The following SORCS2 variants were observed in gnomAD, a reference collection of about 807,000 sequenced individuals.
The protein encoded by SORCS2 is sortilin related VPS10 domain containing receptor 2, also known as VPS10 domain-containing receptor SorCS2.
SORCS2 carries 100 observed loss-of-function variants against 141.6 expected under a neutral mutation model. The observed-to-expected ratio is 0.71, with a 90% CI of 0.60 to 0.83. The LOEUF (loss-of-function observed/expected upper bound fraction) is 0.83. SORCS2 is among the 40% of genes least tolerant of loss of function. The pLI is 0.00. For synonymous variants in SORCS2, 789 were observed against 676.9 expected (o/e 1.17, Z -2.57); for missense variants, 1,646 against 1,560.2 (o/e 1.05, Z -0.93).
intron 2 of SORCS2, among the ~76,000 whole-genome samples, chr4:7,489,365 A>C (rs1731183929): frequency 6.6e-6 from 1 of 152,138 alleles, no homozygotes; most frequent in Admixed American, 6.5e-5. Context: ...GCCTTCTTGA[A>C]TTGATTTGCC....
rs371504160 is a variant in SORCS2 at position 7,278,195 on chromosome 4, TAAGTCCCCACCTGG to T, written c.480+85070_480+85083del. Among the ~76,000 whole-genome samples, 487 of 152,248 alleles carry T rather than the reference TAAGTCCCCACCTGG, an allele frequency of 3.2e-3. 4 individuals carry two copies. Among genetic ancestry groups the T allele is most frequent in the African/African-American group, 0.011 (455 of 41,556 alleles). On this transcript the variant is annotated intron_variant, in intron 1 of 26. Coordinates refer to ENST00000507866, the MANE Select transcript of SORCS2 (RefSeq NM_020777.3). ...AGGAGCTGTGTTCATCAATAGCGTG[TAAGTCCCCACCTGG>T]TGGGAGGAGCTGCATGGGCATCACA...
At chr4:7,242,266 A>G (rs1404321892) in intron 1 of SORCS2, among the ~76,000 whole-genome samples, 1 of 152,124 alleles carries the variant, frequency 6.6e-6, no homozygotes, top group Admixed American at 6.5e-5. Context: ...TATGATCACA[A>G]ATCACTGCAG....
intron 1 of SORCS2, among the ~76,000 whole-genome samples, chr4:7,343,084 G>A (rs141359108): frequency 9.5e-4 from 144 of 152,318 alleles, no homozygotes; most frequent in Non-Finnish European, 1.4e-3. Context: ...CGAGTAGCTC[G>A]TGATCCTCTG....
At chr4:7,474,092 GA>G (rs1403131114) in intron 2 of SORCS2, among the ~76,000 whole-genome samples, 11 of 151,702 alleles carry the variant, frequency 7.3e-5, no homozygotes, top group African/African-American at 2.7e-4. Flanking sequence ...CAGAGCTGGG[GA>G]CTCTGTGGTT....
intron 3 of SORCS2, among the ~76,000 whole-genome samples, chr4:7,616,460 T>C (rs1469104277): frequency 6.6e-6 from 1 of 152,118 alleles, no homozygotes. Context: ...CTACCATTCA[T>C]TCATCCATCC....
At chr4:7,561,514 A>G (rs1034767773) in intron 3 of SORCS2, among the ~76,000 whole-genome samples, 7 of 151,960 alleles carry the variant, frequency 4.6e-5, no homozygotes, top group Admixed American at 6.6e-5. Context: ...CCATCTATCC[A>G]TCCATCTACC....
chr4:7,311,375 A>G (rs1183537743), intron 1 of SORCS2, among the ~76,000 whole-genome samples: 3 of 152,176 alleles, frequency 2.0e-5, no homozygotes, highest in African/African-American at 7.2e-5. Context: ...GCTGCTGCCA[A>G]CACTCCTATA....
rs933466949 is a variant in SORCS2 at position 7,387,999 on chromosome 4, C to T, written c.481-8289C>T. On this transcript the variant is annotated intron_variant, in intron 1 of 26. Coordinates refer to ENST00000507866, the MANE Select transcript of SORCS2 (RefSeq NM_020777.3). Reference sequence around the variant, plus strand: ...AGAGATACACATGCACACATGCACACACATGCACATGCATACAGATACACA... The same window carrying T: ...AGAGATACACATGCACACATGCACATACATGCACATGCATACAGATACACA... Among the ~76,000 whole-genome samples, 62 of 108,040 alleles carry T rather than the reference C, an allele frequency of 5.7e-4. 1 individual carries two copies. The highest frequency in any genetic ancestry group is 3.2e-4 in the South Asian group (1 of 3,080). The allele number at this position is 108,040 out of a possible 152,430, so 70.9% of individuals were successfully genotyped here.
rs1475573441 is a variant in SORCS2, at chr4:7,543,763, C to T, written c.648+12134C>T. 3.8e-3 allele frequency among the ~76,000 whole-genome samples: 237 copies of T among 61,882 alleles called. 9 individuals are homozygous for T. Among genetic ancestry groups the T allele is most frequent in the African/African-American group, 0.014 (184 of 13,448 alleles). 40.6% of individuals were successfully genotyped at this position (61,882 alleles called of 152,430 possible). A position where few individuals can be genotyped will look rare whatever the true frequency, so the allele number is the denominator to read the frequency against. On this transcript the variant is annotated intron_variant, in intron 3 of 26. Transcript: ENST00000507866. The stretch of plus-strand genomic sequence containing the variant: ...ATCCACCCATCCACCCATCCACCCA[C>T]CCATCCGTCCATCCATCCACTCATC...
At chr4:7,418,162 C>T (rs28527304) in intron 2 of SORCS2, among the ~76,000 whole-genome samples, 2 of 152,106 alleles carry the variant, frequency 1.3e-5, no homozygotes, top group African/African-American at 4.8e-5. Context: ...GCGCTCAGCA[C>T]ATTTCAGGTG....
chr4:7,725,709 G>C lies in SORCS2; in HGVS notation c.2745+422G>C, dbSNP rs1303118903. On this transcript the variant is annotated intron_variant, in intron 20 of 26. Transcript: ENST00000507866. ...CCCTCAGAGGCCTGGGTTGTACCCTGTCTGCAGTGGGGAGCCACAGATAGT... is the reference window on the plus strand; with the variant it reads ...CCCTCAGAGGCCTGGGTTGTACCCTCTCTGCAGTGGGGAGCCACAGATAGT... Among the ~76,000 whole-genome samples, 4 of 152,330 alleles carry C rather than the reference G, an allele frequency of 2.6e-5. No homozygotes were observed. In the East Asian group the frequency reaches 7.7e-4, roughly 29 times the overall value.
intron 2 of SORCS2, among the ~76,000 whole-genome samples, chr4:7,494,008 C>T: frequency 6.8e-6 from 1 of 146,012 alleles, no homozygotes; most frequent in South Asian, 2.1e-4. Context: ...CACACAAACA[C>T]ACACACACAT....
intron 3 of SORCS2, among the ~76,000 whole-genome samples, chr4:7,564,791 T>C (rs1409365267): frequency 2.0e-5 from 3 of 152,254 alleles, no homozygotes; most frequent in African/African-American, 7.2e-5. Context: ...ACAATGAGTA[T>C]TACAAACATT....
At chr4:7,448,938 C>T (rs111203697) in intron 2 of SORCS2, among the ~76,000 whole-genome samples, 1,492 of 1,530 alleles carry the variant, frequency 0.98, 728 homozygotes, top group South Asian at 1. Context: ...CTCCCTCCCT[C>T]CCTCTTTTCC....
At chr4:7,253,296 G>T (rs1339083481) in intron 1 of SORCS2, among the ~76,000 whole-genome samples, 1 of 152,226 alleles carries the variant, frequency 6.6e-6, no homozygotes, top group Non-Finnish European at 1.5e-5. Context: ...CCCTGGGGCA[G>T]CTCTGGGGTC....
intron 1 of SORCS2, among the ~76,000 whole-genome samples, chr4:7,226,934 C>G (rs953506493): frequency 2.0e-5 from 3 of 152,224 alleles, no homozygotes; most frequent in African/African-American, 7.2e-5. Context: ...AAGTGAGTTC[C>G]TCGATGCCGC....
chr4:7,245,441 C>G (rs1326530080), intron 1 of SORCS2, among the ~76,000 whole-genome samples: 1 of 152,238 alleles, frequency 6.6e-6, no homozygotes, highest in Non-Finnish European at 1.5e-5. Flanking sequence ...TTAGCACAGT[C>G]TGATGTAATT....
intron 21 of SORCS2, among the ~76,000 whole-genome samples, chr4:7,727,317 G>A (rs1002204846): frequency 1.3e-5 from 2 of 152,172 alleles, no homozygotes; most frequent in East Asian, 1.9e-4. Flanking sequence ...CTAGAGAAAC[G>A]CTGAGCCTCC....
intron 1 of SORCS2, among the ~76,000 whole-genome samples, chr4:7,329,016 C>A (rs551266532): frequency 6.6e-6 from 1 of 152,200 alleles, no homozygotes; most frequent in Non-Finnish European, 1.5e-5. Context: ...CAGGCCCATG[C>A]GGAGCCCTCA....
Sources: gnomAD v4.1 joint callset for allele counts (sites outside exome capture counted in the v4.1 genomes callset) on GRCh38, gnomAD v4.1.1 for gene constraint, MANE v1.5 for transcripts, NCBI Gene and HGNC (gene_info 2026-07-23, HGNC 2026-07-21) for gene names.